OCLN: variants seen among roughly 807,000 people sequenced by gnomAD.
The protein encoded by OCLN is occludin.
In OCLN, 21 loss-of-function variants were observed where a neutral mutation model predicts 47.9. The ratio of observed to expected loss-of-function variants is 0.44; its 90% CI spans 0.31 to 0.63. OCLN has a LOEUF of 0.63. Among genes scored for constraint, OCLN ranks in the 30% least tolerant of loss-of-function variants. The pLI is 0.08. For missense variants in OCLN, 360 were observed against 571.0 expected (o/e 0.63, Z 3.77); for synonymous variants, 117 against 198.4 (o/e 0.59, Z 3.45).
chr5:69,499,464 T>C (rs1490194170), intron 1 of OCLN, among the ~76,000 whole-genome samples: 1 of 152,242 alleles, frequency 6.6e-6, no homozygotes, highest in Non-Finnish European at 1.5e-5. Flanking sequence ...GAGGGTCAGC[T>C]GTATTTGAAA....
chr5:69,524,861 AT>A (rs1209776492), intron 4 of OCLN, among the ~76,000 whole-genome samples: 1 of 151,582 alleles, frequency 6.6e-6, no homozygotes, highest in Admixed American at 6.6e-5. Flanking sequence ...TAATTTTTGT[AT>A]TTTTAGTAGA....
At chr5:69,495,371 G>T (rs1032786349) in intron 1 of OCLN, among the ~76,000 whole-genome samples, 3 of 152,298 alleles carry the variant, frequency 2.0e-5, no homozygotes, top group African/African-American at 7.2e-5. Flanking sequence ...TGATTGGGAG[G>T]TCAGGAGTGG....
chr5:69,521,379 C>T (rs1050846240), intron 4 of OCLN, among the ~76,000 whole-genome samples: 2 of 152,138 alleles, frequency 1.3e-5, no homozygotes, highest in East Asian at 1.9e-4. Context: ...TTACAGATAA[C>T]GCTGCAGTGA....
intron 1 of OCLN, among the ~76,000 whole-genome samples, chr5:69,499,831 C>T (rs546211559): frequency 1.3e-5 from 2 of 152,268 alleles, no homozygotes; most frequent in South Asian, 2.1e-4. Flanking sequence ...GTGATCCACC[C>T]GCCTCGGCCT....
rs1225699293 is a variant in OCLN, at chr5:69,509,496, G to A, written c.406G>A (p.Ala136Thr). ...YGYGGYTDPR[A>T]AKGFMLAMAA... Reference sequence around the variant, plus strand: ...CTACGGAGGCTATACAGACCCAAGAGCAGCAAAGGGCTTCATGTTGGCCAT... The same window carrying A: ...CTACGGAGGCTATACAGACCCAAGAACAGCAAAGGGCTTCATGTTGGCCAT... The change falls in exon 3 of 9, where the codon GCA (alanine) becomes ACA (threonine). Residue 136 changes from alanine (A) to threonine (T), a missense_variant. Transcript: ENST00000396442. The A allele has an allele frequency of 3.7e-6, 6 of 1,614,090 alleles. No individual in the cohort carries two copies. The highest frequency in any genetic ancestry group is 1.1e-5 in the South Asian group (1 of 91,086).
At chr5:69,521,937 A>T (rs1313189498) in intron 4 of OCLN, among the ~76,000 whole-genome samples, 1 of 152,120 alleles carries the variant, frequency 6.6e-6, no homozygotes, top group East Asian at 1.9e-4. Flanking sequence ...ATGGATATTA[A>T]TATTTTGTCT....
intron 1 of OCLN, among the ~76,000 whole-genome samples, chr5:69,501,704 C>G (rs928999095): frequency 1.3e-5 from 2 of 151,956 alleles, no homozygotes; most frequent in Admixed American, 6.6e-5. Flanking sequence ...GATTTGTGCA[C>G]TTTTCTCTAT....
rs1440894754 is a variant in OCLN, at chr5:69,514,088, G to GC, written c.876dup (p.Asn293GlnfsTer7). On this transcript the variant is annotated frameshift_variant, in exon 4 of 9. Coordinates refer to ENST00000396442, the MANE Select transcript of OCLN (RefSeq NM_001205254.2). LOFTEE classifies it high-confidence loss of function. ...ACAAGGAACACATTTATGATGAGCA[G>GC]CCCCCCAATGTCGAGGAGTGGGTAA... The GC allele has an allele frequency of 1.9e-6, 3 of 1,613,934 alleles. No homozygotes were observed. Among genetic ancestry groups the GC allele is most frequent in the African/African-American group, 2.7e-5 (2 of 74,916 alleles).
At chr5:69,550,180 C>T (rs1462711255) in intron 7 of OCLN, among the ~76,000 whole-genome samples, 1 of 111,628 alleles carries the variant, frequency 9.0e-6, no homozygotes, top group Non-Finnish European at 1.9e-5. Flanking sequence ...CTCTTGTCTA[C>T]TTATCTAATT....
chr5:69,534,997 C>T, intron 5 of OCLN, among the ~76,000 whole-genome samples, 158 bp downstream of exon 5: 1 of 149,972 alleles, frequency 6.7e-6, no homozygotes, highest in Non-Finnish European at 1.5e-5. Context: ...TTTGTTGGTA[C>T]AGAGGCCTAC....
chr5:69,504,357 T>C, intron 2 of OCLN, 63 bp downstream of exon 2: 2 of 969,652 alleles, frequency 2.1e-6, no homozygotes, highest in Non-Finnish European at 3.3e-6. Context: ...ACAATAAGTA[T>C]GGTTGAAACT....
chr5:69,521,401 C>A (rs1190621168), intron 4 of OCLN, among the ~76,000 whole-genome samples: 1 of 152,150 alleles, frequency 6.6e-6, no homozygotes, highest in Non-Finnish European at 1.5e-5. Flanking sequence ...CATTCTCTCA[C>A]ATGTCTTTAT....
At position 69,512,173 on chromosome 5, in the gene OCLN, T is replaced by G. The variant is rs1221327688; in HGVS notation, c.730-1775T>G. 7.9e-5 allele frequency among the ~76,000 whole-genome samples: 12 copies of G among 152,220 alleles called. No individual in the cohort carries two copies. In the East Asian group the frequency reaches 2.3e-3, roughly 29 times the overall value. On this transcript the variant is annotated intron_variant, in intron 3 of 8. Transcript: ENST00000396442. Reference sequence around the variant, plus strand: ...ACTCCTATGTTTTCTATTATTTAATTTTTCTATAGTTTCATAATTTTAGCT... The same window carrying G: ...ACTCCTATGTTTTCTATTATTTAATGTTTCTATAGTTTCATAATTTTAGCT...
intron 4 of OCLN, among the ~76,000 whole-genome samples, chr5:69,530,358 C>G (rs1204908229): frequency 2.0e-5 from 3 of 152,064 alleles, no homozygotes; most frequent in Non-Finnish European, 4.4e-5. Context: ...GAAATGAGCA[C>G]CTGTTCACTT....
chr5:69,513,799 T>C (rs1768849641), intron 3 of OCLN, 149 bp from the exon 4 acceptor site: 2 of 728,754 alleles, frequency 2.7e-6, no homozygotes, highest in Non-Finnish European at 4.7e-6. Flanking sequence ...ATGTCTGAAA[T>C]GTAACTATTT....
intron 3 of OCLN, among the ~76,000 whole-genome samples, chr5:69,513,480 A>G (rs1417322867): frequency 6.6e-6 from 1 of 152,254 alleles, no homozygotes; most frequent in Non-Finnish European, 1.5e-5. Flanking sequence ...CTTGCCAAGC[A>G]TATGTTTTGA....
intron 4 of OCLN, among the ~76,000 whole-genome samples, chr5:69,521,410 A>C (rs758130025): frequency 6.6e-6 from 1 of 152,154 alleles, no homozygotes; most frequent in Non-Finnish European, 1.5e-5. Context: ...ACATGTCTTT[A>C]TGCACTCTTG....
intron 1 of OCLN, among the ~76,000 whole-genome samples, chr5:69,499,604 G>C (rs778009394): frequency 7.8e-6 from 1 of 128,578 alleles, no homozygotes; most frequent in Admixed American, 7.9e-5. Flanking sequence ...TTTTTTTTTT[G>C]AGCCGGAGTC....
At chr5:69,503,050 A>G (rs769239191) in intron 1 of OCLN, among the ~76,000 whole-genome samples, 25 of 152,198 alleles carry the variant, frequency 1.6e-4, no homozygotes, top group Non-Finnish European at 1.0e-4. Flanking sequence ...TTGCATCTGT[A>G]AAGTGACTAA....
Sources: gnomAD v4.1 joint callset for allele counts (sites outside exome capture counted in the v4.1 genomes callset) on GRCh38, gnomAD v4.1.1 for gene constraint, MANE v1.5 for transcripts, NCBI Gene and HGNC (gene_info 2026-07-23, HGNC 2026-07-21) for gene names.